ZNF215: variants seen among roughly 807,000 people sequenced by gnomAD.
ZNF215 encodes zinc finger protein 215.
Under a neutral mutation model 27.2 loss-of-function variants are expected in ZNF215, and 24 were observed. The observed-to-expected ratio is 0.88, with a 90% confidence interval of 0.64 to 1.24. ZNF215 has a LOEUF of 1.24. Among genes scored for constraint, ZNF215 ranks in the 50% most tolerant of loss-of-function variants. The pLI, the probability that ZNF215 is intolerant of heterozygous loss-of-function variation, is 0.00. For synonymous variants in ZNF215, 210 were observed against 204.0 expected, an observed-to-expected ratio of 1.03 and a Z score of -0.25; for missense variants, 675 against 605.7, an observed-to-expected ratio of 1.11 and a Z score of -1.20.
At chr11:6,950,086 A>G in intron 6 of ZNF215, among the ~76,000 whole-genome samples, 1 of 151,550 alleles carries the variant, frequency 6.6e-6, no homozygotes, top group Admixed American at 6.6e-5. Context: ...TGTTCCATTG[A>G]TCTATATCTC....
chr11:6,973,784 T>C (rs1231207851), intron 5 of ZNF215, among the ~76,000 whole-genome samples: 2 of 152,258 alleles, frequency 1.3e-5, no homozygotes, highest in Non-Finnish European at 1.5e-5. Context: ...TTGTGGATTC[T>C]GGATATTAGC....
Position 6,956,038 on chromosome 11 carries a change from A to G in ZNF215, c.1061A>G (p.Glu354Gly), listed in dbSNP as rs1263658509. Reference sequence around the variant, plus strand: ...GACTCAGTAGGTAAGCAACATTCAGAATATGAATATGGGAATGACTTGAGT... The same window carrying G: ...GACTCAGTAGGTAAGCAACATTCAGGATATGAATATGGGAATGACTTGAGT... ...NLDSVGKQHS[E>G]YEYGNDLSLS... Residue 354 changes from glutamate to glycine, a missense_variant, in exon 7 of 7, where the codon GAA becomes GGA. Glu to Gly is a moderately conservative substitution (Grantham distance 98, BLOSUM62 -2). Coordinates refer to ENST00000278319, the MANE Select transcript of ZNF215 (RefSeq NM_013250.4). 1 of 1,608,962 alleles carries G rather than the reference A, an allele frequency of 6.2e-7. No homozygotes were observed. Among genetic ancestry groups the G allele is most frequent in the South Asian group, 1.1e-5 (1 of 89,630 alleles).
chr11:6,937,173 A>C (rs1849464890), intron 3 of ZNF215, among the ~76,000 whole-genome samples: 2 of 152,072 alleles, frequency 1.3e-5, no homozygotes, highest in Non-Finnish European at 1.5e-5. Flanking sequence ...TTATATATCC[A>C]AAATCCTAAA....
downstream of ZNF215, among the ~76,000 whole-genome samples, chr11:6,987,988 CTT>C (rs1851078156): frequency 6.6e-6 from 1 of 152,170 alleles, no homozygotes; most frequent in Admixed American, 6.5e-5. Context: ...AGATTAATCA[CTT>C]TTAAAACCTC....
At chr11:6,970,290 A>T (rs187966199) in intron 5 of ZNF215, among the ~76,000 whole-genome samples, 1 of 152,358 alleles carries the variant, frequency 6.6e-6, no homozygotes, top group African/African-American at 2.4e-5. Context: ...TTTCTTTAAC[A>T]AAATGCATGA....
chr11:6,941,992 A>C (rs1849647087), intron 4 of ZNF215, among the ~76,000 whole-genome samples: 1 of 152,204 alleles, frequency 6.6e-6, no homozygotes. Context: ...AAGCATACTA[A>C]AAAGACAGGA....
chr11:6,952,773 C>A (rs1352296972), intron 6 of ZNF215, among the ~76,000 whole-genome samples: 1 of 152,098 alleles, frequency 6.6e-6, no homozygotes, highest in Non-Finnish European at 1.5e-5. Context: ...TTGATCCTAT[C>A]ATTATGATGT....
intron 3 of ZNF215, among the ~76,000 whole-genome samples, chr11:6,935,582 C>T (rs1196376240): frequency 6.6e-6 from 1 of 151,888 alleles, no homozygotes; most frequent in African/African-American, 2.4e-5. Context: ...GAAGCAAATA[C>T]AGAAGTGAAA....
chr11:6,952,020 T>G (rs369887742), intron 6 of ZNF215, among the ~76,000 whole-genome samples: 3 of 152,182 alleles, frequency 2.0e-5, no homozygotes, highest in Non-Finnish European at 4.4e-5. Flanking sequence ...GCAGGTTGTT[T>G]AGTTTCCATG....
chr11:6,945,964 AT>A (rs1245258213), intron 6 of ZNF215, among the ~76,000 whole-genome samples: 3 of 151,938 alleles, frequency 2.0e-5, no homozygotes, highest in East Asian at 3.9e-4. Context: ...CTGAAGTCTG[AT>A]TTTTTTTCCC....
At chr11:6,940,542 C>T (rs1429168945) in intron 3 of ZNF215, among the ~76,000 whole-genome samples, 1 of 152,182 alleles carries the variant, frequency 6.6e-6, no homozygotes, top group African/African-American at 2.4e-5. Context: ...ATGCTAGGCT[C>T]AAGCATTCCT....
At position 6,937,979 on chromosome 11, in the gene ZNF215, A is replaced by G. The variant is rs116082542; in HGVS notation, c.401-3592A>G. ...CTATGACACCAAAGATACAAGCAAC[A>G]AAAGAAAAAATAGATAAATTAGACC... On this transcript the variant is annotated intron_variant, in intron 3 of 6. Coordinates refer to ENST00000278319, the MANE Select transcript of ZNF215 (RefSeq NM_013250.4). 6.7e-3 allele frequency among the ~76,000 whole-genome samples: 1,025 copies of G among 152,138 alleles called. 15 individuals carry two copies. Among genetic ancestry groups the G allele is most frequent in the African/African-American group, 0.022 (900 of 41,552 alleles).
At chr11:6,940,061 G>GA (rs1006766289) in intron 3 of ZNF215, among the ~76,000 whole-genome samples, 3 of 144,276 alleles carry the variant, frequency 2.1e-5, no homozygotes, top group Non-Finnish European at 4.6e-5. Context: ...TGTCTCTAAA[G>GA]AAAAAAAAAG....
At chr11:6,988,825 T>A (rs1851088068), downstream of ZNF215, 1 of 152,238 alleles carries the variant, frequency 6.6e-6, no homozygotes, top group South Asian at 2.1e-4. Flanking sequence ...TATAATACCT[T>A]GATAATTTTG....
At chr11:6,991,265 T>C (rs768212766), downstream of ZNF215, among the ~76,000 whole-genome samples, 1 of 152,242 alleles carries the variant, frequency 6.6e-6, no homozygotes, top group Non-Finnish European at 1.5e-5. Context: ...GGATGGCTCC[T>C]TGTTATCTGT....
At chr11:6,953,287 G>C (rs906189466) in intron 6 of ZNF215, among the ~76,000 whole-genome samples, 7 of 152,174 alleles carry the variant, frequency 4.6e-5, no homozygotes, top group African/African-American at 1.7e-4. Context: ...GGCCTGCCTT[G>C]CTAGATTGGG....
intron 5 of ZNF215, among the ~76,000 whole-genome samples, chr11:6,976,683 C>A (rs1490157586): frequency 1.3e-5 from 2 of 151,970 alleles, no homozygotes; most frequent in African/African-American, 2.4e-5. Flanking sequence ...AGGTAACTTA[C>A]AGATTATTTT....
At chr11:6,963,914 G>C (rs1413323158) in intron 5 of ZNF215, among the ~76,000 whole-genome samples, 1 of 151,994 alleles carries the variant, frequency 6.6e-6, no homozygotes, top group Non-Finnish European at 1.5e-5. Flanking sequence ...TTATAGCTTG[G>C]AATCAACCAA....
At chr11:6,959,613 A>G (rs1653010846), downstream of ZNF215, among the ~76,000 whole-genome samples, 1 of 152,190 alleles carries the variant, frequency 6.6e-6, no homozygotes, top group African/African-American at 2.4e-5. Context: ...CTCAAAAATA[A>G]TCTTGAATAA....
Sources: allele counts gnomAD v4.1 joint callset (sites outside exome capture counted in the v4.1 genomes callset), GRCh38; gene constraint gnomAD v4.1.1; transcripts MANE v1.5; gene names NCBI Gene and HGNC (gene_info 2026-07-23, HGNC 2026-07-21).